PUDP: variants seen among roughly 807,000 people sequenced by gnomAD.
The protein encoded by PUDP is pseudouridine 5'-phosphatase.
In PUDP, 8 loss-of-function variants were observed where a neutral mutation model predicts 9.4. The ratio of observed to expected loss-of-function variants is 0.85; its 90% confidence interval spans 0.50 to 1.53. The LOEUF is 1.53. PUDP is among the 40% of genes most tolerant of loss of function. The pLI is 0.00. For synonymous variants in PUDP, 99 were observed against 80.7 expected, an observed-to-expected ratio of 1.23 and a Z score of -1.22; for missense variants, 188 against 189.7, an observed-to-expected ratio of 0.99 and a Z score of 0.05.
At chrX:6,824,230 C>A (rs1011386762) in intron 3 of PUDP, among the ~76,000 whole-genome samples, 17 of 111,504 alleles carry the variant, frequency 1.5e-4, no homozygotes, top group African/African-American at 5.5e-4. Flanking sequence ...TTTTGCTCGA[C>A]ACTTCTCCTT....
chrX:6,866,558 G>A (rs1313921952), intron 3 of PUDP, among the ~76,000 whole-genome samples: 1 of 111,259 alleles, frequency 9.0e-6, no homozygotes, highest in Non-Finnish European at 1.9e-5. Context: ...GGGTGAGAGA[G>A]AGGGGCATCA....
intron 3 of PUDP, among the ~76,000 whole-genome samples, chrX:6,906,400 T>C (rs900863125): frequency 8.9e-6 from 1 of 112,391 alleles, no homozygotes; most frequent in Non-Finnish European, 1.9e-5. Context: ...GAAATGATTA[T>C]GTATTCTCTC....
At chrX:6,976,118 G>A (rs902654333) in intron 3 of PUDP, among the ~76,000 whole-genome samples, 2 of 112,315 alleles carry the variant, frequency 1.8e-5, no homozygotes, top group Non-Finnish European at 3.8e-5. Context: ...CAAGCCAGTG[G>A]ATCTTAACTA....
chrX:6,972,471 G>A (rs777818944), intron 3 of PUDP, among the ~76,000 whole-genome samples: 42 of 112,126 alleles, frequency 3.7e-4, no homozygotes, highest in Middle Eastern at 4.6e-3. Context: ...TAATCATGTG[G>A]TTTTTGTCAT....
At chrX:7,041,881 T>G (rs1411830153) in intron 1 of PUDP, among the ~76,000 whole-genome samples, 7 of 87,997 alleles carry the variant, frequency 8.0e-5, no homozygotes, top group African/African-American at 3.1e-4. Context: ...TTTTTTTTTT[T>G]GAGACAGGGG....
chrX:6,834,423 A>C (rs1393177155), intron 3 of PUDP, among the ~76,000 whole-genome samples: 2 of 111,302 alleles, frequency 1.8e-5, no homozygotes, highest in Non-Finnish European at 3.8e-5. Flanking sequence ...GTGACAGTTA[A>C]ATTTTGCCTA....
At chrX:6,783,354 C>T (rs779081522) in intron 3 of PUDP, among the ~76,000 whole-genome samples, 3 of 111,234 alleles carry the variant, frequency 2.7e-5, no homozygotes, top group African/African-American at 9.8e-5. Flanking sequence ...CTTTCGGGAA[C>T]GCCCTGCTCT....
chrX:7,089,247 T>C (rs1031926326), intron 2 of PUDP, among the ~76,000 whole-genome samples: 6 of 111,596 alleles, frequency 5.4e-5, no homozygotes, highest in African/African-American at 2.0e-4. Context: ...CTCGAAATGT[T>C]GGTGTTTAAG....
intron 3 of PUDP, among the ~76,000 whole-genome samples, chrX:6,956,282 C>T (rs1928626163): frequency 9.0e-6 from 1 of 111,176 alleles, no homozygotes; most frequent in African/African-American, 3.3e-5. Context: ...GCCTCAGCCT[C>T]CCAAAGTGCT....
chrX:6,783,999 A>G (rs1925606592), intron 3 of PUDP, among the ~76,000 whole-genome samples: 1 of 111,496 alleles, frequency 9.0e-6, no homozygotes, highest in African/African-American at 3.3e-5. Context: ...AATAGATTGG[A>G]TGATGCCCAT....
chrX:7,144,235 G>T (rs772133547), intron 1 of PUDP, among the ~76,000 whole-genome samples: 11 of 112,134 alleles, frequency 9.8e-5, no homozygotes, highest in Non-Finnish European at 1.3e-4. Flanking sequence ...ACCGACTGAG[G>T]CTGAAAAGCT....
At chrX:6,813,360 T>C (rs62590379) in intron 3 of PUDP, among the ~76,000 whole-genome samples, 3,793 of 110,905 alleles carry the variant, frequency 0.034, 72 homozygotes, top group South Asian at 0.075. Context: ...GCTGAAGAGC[T>C]TTGTAACTCT....
At chrX:7,005,399 ATATTAT>A (rs764811708) in intron 1 of PUDP, among the ~76,000 whole-genome samples, 1 of 108,545 alleles carries the variant, frequency 9.2e-6, no homozygotes, top group Non-Finnish European at 1.9e-5. Flanking sequence ...AAAATTTGCC[ATATTAT>A]TATTATTATT....
intron 3 of PUDP, among the ~76,000 whole-genome samples, chrX:6,905,499 GGAGA>G (rs925252237): frequency 2.7e-5 from 3 of 111,537 alleles, no homozygotes; most frequent in Admixed American, 1.9e-4. Context: ...CAAGGTGGCA[GGAGA>G]GAGAGAGAGA....
At chrX:6,885,529 G>C (rs769989852) in intron 3 of PUDP, among the ~76,000 whole-genome samples, 1 of 111,976 alleles carries the variant, frequency 8.9e-6, no homozygotes, top group East Asian at 2.8e-4. Context: ...CCTTAAGGGG[G>C]ATCATCCAAT....
At chrX:6,974,542 A>T (rs1928924729) in intron 3 of PUDP, among the ~76,000 whole-genome samples, 1 of 111,463 alleles carries the variant, frequency 9.0e-6, no homozygotes, top group Non-Finnish European at 1.9e-5. Flanking sequence ...ATTGGTCCCC[A>T]CTCTCTTCTG....
chrX:6,950,661 C>T (rs1461990550), intron 3 of PUDP, among the ~76,000 whole-genome samples: 3 of 110,064 alleles, frequency 2.7e-5, no homozygotes, highest in Admixed American at 9.7e-5. Flanking sequence ...CCACCCACCT[C>T]GGCCTCCCAT....
intron 3 of PUDP, among the ~76,000 whole-genome samples, chrX:7,063,115 CT>C (rs1930454360): frequency 9.0e-6 from 1 of 111,111 alleles, no homozygotes; most frequent in East Asian, 2.9e-4. Flanking sequence ...AGAGAAACCA[CT>C]TAGCAGTTAC....
At chrX:7,025,260 T>C (rs2146822762) in intron 1 of PUDP, among the ~76,000 whole-genome samples, 1 of 112,094 alleles carries the variant, frequency 8.9e-6, no homozygotes, top group East Asian at 2.8e-4. Flanking sequence ...CTTACTGGTC[T>C]GTTCACCCTG....
Sources: allele counts gnomAD v4.1 joint callset (sites outside exome capture counted in the v4.1 genomes callset), GRCh38; gene constraint gnomAD v4.1.1; transcripts MANE v1.5; gene names NCBI Gene and HGNC (gene_info 2026-07-23, HGNC 2026-07-21).